SLC35F3: variants seen among roughly 807,000 people sequenced by gnomAD.
SLC35F3 encodes putative thiamine transporter SLC35F3.
Under a neutral mutation model 49.9 loss-of-function variants are expected in SLC35F3, and 25 were observed. The ratio of observed to expected loss-of-function variants is 0.50; its 90% confidence interval spans 0.37 to 0.70. The LOEUF (loss-of-function observed/expected upper bound fraction) is 0.70, where lower values mean the gene tolerates loss of function less well. SLC35F3 is among the 30% of genes least tolerant of loss of function. The pLI is 0.00. For synonymous variants in SLC35F3, 275 were observed against 265.4 expected (o/e 1.04, Z -0.35); for missense variants, 525 against 639.8 (o/e 0.82, Z 1.94).
intron 2 of SLC35F3, among the ~76,000 whole-genome samples, chr1:234,229,306 G>A (rs960401940): frequency 3.3e-5 from 5 of 151,340 alleles, no homozygotes; most frequent in African/African-American, 1.2e-4. Flanking sequence ...TCAAATAACA[G>A]TGTAGTGAGT....
chr1:234,285,332 C>T (rs1257975839), intron 3 of SLC35F3: 1 of 483,784 alleles, frequency 2.1e-6, no homozygotes. Flanking sequence ...GTGGAAAATA[C>T]ATCCGCAGGG....
intron 2 of SLC35F3, among the ~76,000 whole-genome samples, chr1:233,923,597 G>A (rs972325453): frequency 3.9e-5 from 6 of 152,008 alleles, no homozygotes; most frequent in Non-Finnish European, 4.4e-5. Flanking sequence ...CTGCAAACAG[G>A]GACAATTTGA....
chr1:234,297,587 G>C (rs866111715), intron 3 of SLC35F3, among the ~76,000 whole-genome samples: 15 of 152,190 alleles, frequency 9.9e-5, no homozygotes, highest in Admixed American at 2.6e-4. Flanking sequence ...AGTTAAAATA[G>C]TTAAGCTTGG....
intron 3 of SLC35F3, among the ~76,000 whole-genome samples, chr1:234,293,819 C>G (rs771114225): frequency 2.0e-5 from 3 of 152,230 alleles, no homozygotes; most frequent in Non-Finnish European, 4.4e-5. Context: ...CATTCTTGCC[C>G]TTGAGATATA....
At chr1:234,265,135 A>G (rs1667961319) in intron 3 of SLC35F3, among the ~76,000 whole-genome samples, 1 of 152,110 alleles carries the variant, frequency 6.6e-6, no homozygotes, top group South Asian at 2.1e-4. Context: ...TCTTTCATGA[A>G]TTCCAAGACC....
Position 234,082,270 on chromosome 1 carries a change from G to A in SLC35F3, c.284-149147G>A, listed in dbSNP as rs979995362. ...AATTTTATAAACAAGACAACTTCTC[G>A]GAGAAGTACATCAAATGGCTTTATG... On this transcript the variant is annotated intron_variant, in intron 2 of 7. Transcript: ENST00000366618. 4.6e-5 allele frequency among the ~76,000 whole-genome samples: 7 copies of A among 151,960 alleles called. No homozygotes were observed. In the South Asian group the frequency reaches 1.0e-3, roughly 23 times the overall value.
intron 3 of SLC35F3, among the ~76,000 whole-genome samples, chr1:234,245,227 T>G (rs1203700885): frequency 6.6e-6 from 1 of 152,220 alleles, no homozygotes; most frequent in Non-Finnish European, 1.5e-5. Flanking sequence ...GTATTTCTCT[T>G]TCTGTGCCTG....
chr1:234,214,718 C>A lies in SLC35F3; in HGVS notation c.284-16699C>A. The A allele has an allele frequency of 1.8e-6, 2 of 1,110,586 alleles. No homozygotes were observed. The highest frequency in any genetic ancestry group is 2.4e-6 in the Non-Finnish European group (2 of 831,508). 68.8% of individuals were successfully genotyped at this position (1,110,586 alleles called of 1,614,324 possible). A position where few individuals can be genotyped will look rare whatever the true frequency, so the allele number is the denominator to read the frequency against. On this transcript the variant is annotated intron_variant, in intron 2 of 7. Transcript: ENST00000366618. This position sits in a 1 kb window ranked among gnomAD's most constrained non-coding sequence, Gnocchi z 8.0. ...GCGGCTCCGCAGTGCAGAGCGCCGC[C>A]GCCTGCGTGGGGGGATCTGGCAGCT...
At chr1:234,064,956 T>TA (rs1340176205) in intron 2 of SLC35F3, among the ~76,000 whole-genome samples, 2 of 152,154 alleles carry the variant, frequency 1.3e-5, no homozygotes, top group Non-Finnish European at 2.9e-5. Flanking sequence ...TTATAAGAGG[T>TA]AAAAAGAAGA....
At position 234,163,458 on chromosome 1, in the gene SLC35F3, AGAGT is replaced by A. The variant is rs769079449; in HGVS notation, c.284-67939_284-67936del. ...AGAGCAAGATCTGGGTTGCTGAGAC[AGAGT>A]GAGTGAGTGAGTGAGTGAGAGTGTA... On this transcript the variant is annotated intron_variant, in intron 2 of 7. Transcript: ENST00000366618. 6.3e-4 allele frequency among the ~76,000 whole-genome samples: 96 copies of A among 152,164 alleles called. 1 individual carries two copies. The highest frequency in any genetic ancestry group is 3.4e-3 in the Middle Eastern group (1 of 294).
chr1:234,049,317 A>G (rs568497746), intron 2 of SLC35F3, among the ~76,000 whole-genome samples: 1 of 152,200 alleles, frequency 6.6e-6, no homozygotes, highest in African/African-American at 2.4e-5. Context: ...AAGAAGAGAT[A>G]CCAGGGAGTG....
chr1:234,202,748 TAAC>T (rs1262396259), intron 2 of SLC35F3, among the ~76,000 whole-genome samples: 2 of 152,136 alleles, frequency 1.3e-5, no homozygotes, highest in Admixed American at 6.5e-5. Context: ...CTAAGACAGA[TAAC>T]AATACAATAG....
intron 2 of SLC35F3, among the ~76,000 whole-genome samples, chr1:234,186,851 T>C (rs1185497388): frequency 6.6e-6 from 1 of 152,210 alleles, no homozygotes; most frequent in Non-Finnish European, 1.5e-5. Flanking sequence ...ATAGTGAGCC[T>C]GAGACTTCAG....
chr1:234,262,261 C>T (rs1667916114), intron 3 of SLC35F3, among the ~76,000 whole-genome samples: 1 of 152,144 alleles, frequency 6.6e-6, no homozygotes, highest in African/African-American at 2.4e-5. Context: ...AGGGGGAGAG[C>T]CCTGCTGTGG....
intron 2 of SLC35F3, among the ~76,000 whole-genome samples, chr1:234,057,884 T>G (rs1040757867): frequency 6.6e-6 from 1 of 152,130 alleles, no homozygotes; most frequent in Admixed American, 6.5e-5. Context: ...TTTTGTGTTT[T>G]TTAGTAGAGA....
chr1:234,126,124 T>G (rs1001618191), intron 2 of SLC35F3, among the ~76,000 whole-genome samples: 27 of 152,202 alleles, frequency 1.8e-4, no homozygotes, highest in Non-Finnish European at 2.9e-4. Flanking sequence ...TTCTTTATGC[T>G]CAATAAATAG....
At chr1:234,318,626 C>T in intron 5 of SLC35F3, 125 bp from the exon 6 acceptor site, 2 of 766,320 alleles carry the variant, frequency 2.6e-6, no homozygotes, top group Non-Finnish European at 4.3e-6. Context: ...CCATGGAATT[C>T]ACCTGGAATC....
intron 2 of SLC35F3, among the ~76,000 whole-genome samples, chr1:234,161,190 G>C (rs1405803558): frequency 6.6e-6 from 1 of 152,184 alleles, no homozygotes; most frequent in Admixed American, 6.5e-5. Flanking sequence ...CAGCCACTAG[G>C]CTAAGTGTTT....
At chr1:234,253,421 G>A (rs767061039) in intron 3 of SLC35F3, among the ~76,000 whole-genome samples, 1 of 148,316 alleles carries the variant, frequency 6.7e-6, no homozygotes, top group Non-Finnish European at 1.5e-5. Flanking sequence ...AGATCTCTAA[G>A]AAATATTGTT....
Sources: gnomAD v4.1 joint callset for allele counts (sites outside exome capture counted in the v4.1 genomes callset) on GRCh38, gnomAD v4.1.1 for gene constraint, Gnocchi (gnomAD v3.1) non-coding constraint, MANE v1.5 for transcripts, NCBI Gene and HGNC (gene_info 2026-07-23, HGNC 2026-07-21) for gene names.